Variants in ABCB11 observed in about 807,000 individuals in gnomAD.
ABCB11 encodes ATP binding cassette subfamily B member 11, also known as bile salt export pump.
ABCB11 carries 95 observed loss-of-function variants against 148.0 expected under a neutral mutation model. The observed-to-expected ratio is 0.64, with a 90% CI of 0.54 to 0.76. The LOEUF (loss-of-function observed/expected upper bound fraction) is 0.76, where lower values mean the gene tolerates loss of function less well. Among genes scored for constraint, ABCB11 ranks in the 30% least tolerant of loss-of-function variants. The probability of loss-of-function intolerance (pLI) is 0.00; values close to 1 mark genes in which losing one functional copy is unlikely to be tolerated. For missense variants in ABCB11, 1,523 were observed against 1,617.8 expected (o/e 0.94, Z 1.01); for synonymous variants, 591 against 555.4 (o/e 1.06, Z -0.90).
chr2:168,923,809 G>A lies in ABCB11; in HGVS notation c.3779C>T (p.Ala1260Val). 1 of 1,613,938 alleles carries A rather than the reference G, an allele frequency of 6.2e-7. No individual in the cohort carries two copies. The highest frequency in any genetic ancestry group is 8.5e-7 in the Non-Finnish European group (1 of 1,179,882). ...CCGACCCTCTCTGGCTTTGTCTAGA[G>A]CAACCTGCACCGTCTGCAAAGAGAA... Reference protein sequence around the residue: ...DTESEKTVQVALDKAREGRTC... With the variant: ...DTESEKTVQVVLDKAREGRTC... Residue 1260 changes from alanine (A) to valine (V), a missense_variant, in exon 28 of 28, where the codon GCT becomes GTT. By Grantham distance (64) the Ala-to-Val change is moderately conservative. Coordinates refer to ENST00000650372, the MANE Select transcript of ABCB11 (RefSeq NM_003742.4).
chr2:168,927,379 T>C lies in ABCB11; in HGVS notation c.3412-17A>G. ...ATCTATCATCTGCCAATAGAGGAGA[T>C]GACAGGTCATTAGGTTTTTAGAATT... On this transcript the variant is annotated splice_polypyrimidine_tract_variant and intron_variant, in intron 25 of 27. Transcript: ENST00000650372. 1.2e-6 allele frequency: 2 copies of C among 1,602,508 alleles called. No individual in the cohort carries two copies. The highest frequency in any genetic ancestry group is 1.1e-5 in the South Asian group (1 of 90,626).
At chr2:168,952,818 T>C (rs1692629819) in intron 19 of ABCB11, among the ~76,000 whole-genome samples, 1 of 151,622 alleles carries the variant, frequency 6.6e-6, no homozygotes, top group African/African-American at 2.4e-5. Flanking sequence ...TTGTGATCTT[T>C]CTACTTTTTT....
chr2:168,933,483 C>A (rs1019454128), intron 23 of ABCB11, among the ~76,000 whole-genome samples: 7 of 151,842 alleles, frequency 4.6e-5, no homozygotes, highest in African/African-American at 1.7e-4. Context: ...GAGTAGTAGC[C>A]CCCAAAGCTG....
intron 21 of ABCB11, among the ~76,000 whole-genome samples, chr2:168,944,175 G>C (rs1692195495): frequency 6.6e-6 from 1 of 151,924 alleles, no homozygotes; most frequent in African/African-American, 2.4e-5. Context: ...TTCCTGACTG[G>C]GCTCCTCCAG....
chr2:168,935,848 C>T (rs966825000), intron 22 of ABCB11, among the ~76,000 whole-genome samples: 2 of 152,214 alleles, frequency 1.3e-5, no homozygotes, highest in Admixed American at 1.3e-4. Flanking sequence ...ACCATCATAG[C>T]TCCTGTGTGT....
At chr2:168,938,279 C>T (rs1188461603) in intron 21 of ABCB11, among the ~76,000 whole-genome samples, 1 of 152,094 alleles carries the variant, frequency 6.6e-6, no homozygotes, top group Admixed American at 6.6e-5. Flanking sequence ...AGCCAAACAA[C>T]CTGAATGTCC....
chr2:169,024,772 T>C (rs1695643547), intron 1 of ABCB11, among the ~76,000 whole-genome samples: 1 of 152,196 alleles, frequency 6.6e-6, no homozygotes, highest in South Asian at 2.1e-4. Context: ...CTTTCCTTGT[T>C]TTTAATGACC....
intron 26 of ABCB11, among the ~76,000 whole-genome samples, chr2:168,926,601 C>T (rs373938924): frequency 1.3e-5 from 2 of 152,122 alleles, no homozygotes; most frequent in South Asian, 2.1e-4. Context: ...TTGCATTGGG[C>T]AATACAATAC....
intron 23 of ABCB11, among the ~76,000 whole-genome samples, chr2:168,932,870 G>C (rs930875157): frequency 6.6e-6 from 1 of 152,116 alleles, no homozygotes; most frequent in Admixed American, 6.5e-5. Flanking sequence ...AGCACCTTGG[G>C]AGGCCGAGGC....
intron 1 of ABCB11, among the ~76,000 whole-genome samples, chr2:169,025,880 A>G (rs1573994062): frequency 6.6e-6 from 1 of 152,326 alleles, no homozygotes; most frequent in East Asian, 1.9e-4. Flanking sequence ...GGGGCATCTC[A>G]GTAAAATGGT....
chr2:168,923,579 C>T lies in ABCB11; in HGVS notation c.*43G>A, dbSNP rs770813666. ...TTGTTTTTTTCTTTAAAAACAACCC[C>T]TGTAACTGGTGCGTCATGTGTGTCT... On this transcript the variant is annotated 3_prime_UTR_variant, in exon 28 of 28. Coordinates refer to ENST00000650372, the MANE Select transcript of ABCB11 (RefSeq NM_003742.4). The T allele has an allele frequency of 3.1e-6, 5 of 1,592,378 alleles. No individual in the cohort carries two copies. Among genetic ancestry groups the T allele is most frequent in the Admixed American group, 3.3e-5 (2 of 59,880 alleles).
intron 10 of ABCB11, among the ~76,000 whole-genome samples, chr2:168,982,783 C>T (rs62171036): frequency 1.0e-4 from 15 of 148,904 alleles, no homozygotes; most frequent in African/African-American, 3.0e-4. Context: ...AGAGAGCGAG[C>T]GAGAGAGAGA....
intron 10 of ABCB11, 68 bp from the exon 11 acceptor site, chr2:168,980,047 G>T: frequency 1.1e-6 from 1 of 904,244 alleles, no homozygotes; most frequent in East Asian, 2.7e-5. Flanking sequence ...ACTATCATTT[G>T]GGTCTTCCAT....
intron 16 of ABCB11, among the ~76,000 whole-genome samples, chr2:168,968,736 TA>T (rs1167602424): frequency 3.1e-5 from 3 of 98,054 alleles, no homozygotes; most frequent in Non-Finnish European, 7.0e-5. Context: ...CAGAAACAGG[TA>T]TTTTTTTTTA....
downstream of ABCB11, among the ~76,000 whole-genome samples, chr2:168,918,875 ATTGTT>A (rs1690996609): frequency 2.0e-5 from 3 of 152,054 alleles, no homozygotes; most frequent in Non-Finnish European, 4.4e-5. Context: ...TTCAGTATCT[ATTGTT>A]TTAATTTTTG....
intron 10 of ABCB11, among the ~76,000 whole-genome samples, chr2:168,985,712 T>C (rs1345840645): frequency 1.3e-5 from 2 of 152,112 alleles, no homozygotes; most frequent in Admixed American, 6.6e-5. Context: ...AAATATTGCA[T>C]GTTCTCACTC....
rs1693412342 is a variant in ABCB11 at position 168,968,430 on chromosome 2, A to C, written c.2072T>G (p.Leu691Ter). Residue 691 changes from leucine (L) to a stop codon, truncating the protein, a stop_gained, in exon 17 of 28, where the codon TTA (leucine) becomes TGA (stop). Transcript: ENST00000650372. LOFTEE classifies it high-confidence loss of function. ...TFSRGSYQDS[L>*]RASIRQRSKS... ...CTGCCCCATGGCTTGAGCTTACCTT[A>C]AACTATCCTGGTAGCTCCCTCTGCT... is the stretch of plus-strand genomic sequence containing the variant. 1 of 1,610,444 alleles carries C rather than the reference A, an allele frequency of 6.2e-7. No homozygotes were observed. Among genetic ancestry groups the C allele is most frequent in the Non-Finnish European group, 8.5e-7 (1 of 1,178,176 alleles).
chr2:169,009,720 A>T (rs192114363), intron 5 of ABCB11, among the ~76,000 whole-genome samples: 2 of 152,202 alleles, frequency 1.3e-5, no homozygotes, highest in East Asian at 3.9e-4. Context: ...CTAAAACTTA[A>T]AGTATAATTA....
Position 168,930,871 on chromosome 2 carries a change from G to A in ABCB11, c.3214-9C>T, listed in dbSNP as rs1171981325. ...TTCCCCTGGAAGTTGTCCTGTGGAT[G>A]GGAGGATCAAAATTAGAGATGCTCT... On this transcript the variant is annotated splice_polypyrimidine_tract_variant and intron_variant, in intron 24 of 27. Transcript: ENST00000650372. The A allele has an allele frequency of 1.9e-6, 3 of 1,581,414 alleles. No individual in the cohort carries two copies. The African/African-American group carries it at 4.0e-5, about 21-fold the overall frequency.
Sources: allele counts gnomAD v4.1 joint callset (sites outside exome capture counted in the v4.1 genomes callset), GRCh38; gene constraint gnomAD v4.1.1; transcripts MANE v1.5; gene names NCBI Gene and HGNC (gene_info 2026-07-23, HGNC 2026-07-21).